The following SLC5A9 variants were observed in gnomAD, a reference collection of about 807,000 sequenced individuals.
SLC5A9 encodes solute carrier family 5 member 9.
Under a neutral mutation model 70.9 loss-of-function variants are expected in SLC5A9, and 59 were observed. The observed-to-expected ratio is 0.83, with a 90% CI of 0.68 to 1.03. SLC5A9 has a LOEUF of 1.03. Among genes scored for constraint, SLC5A9 ranks in the 50% least tolerant of loss-of-function variants. SLC5A9 has a pLI of 0.00. For missense variants in SLC5A9, 832 were observed against 881.1 expected (o/e 0.94, Z 0.71); for synonymous variants, 340 against 346.5 (o/e 0.98, Z 0.21).
chr1:48,232,247 A>T, intron 7 of SLC5A9, 96 bp downstream of exon 7: 1 of 1,554,446 alleles, frequency 6.4e-7, no homozygotes, highest in Non-Finnish European at 8.7e-7. Flanking sequence ...GTTGGACCTC[A>T]TTCTGGGATT....
intron 6 of SLC5A9, 35 bp from the exon 7 acceptor site, chr1:48,231,911 G>A (rs756827507): frequency 1.2e-6 from 2 of 1,613,214 alleles, no homozygotes; most frequent in Non-Finnish European, 8.5e-7. Context: ...GCTCAGTGGG[G>A]TTTCAGGGCT....
rs746884409 is a variant in SLC5A9 at position 48,233,781 on chromosome 1, C to T, written c.1141+19C>T. 16 of 1,542,434 alleles carry T rather than the reference C, an allele frequency of 1.0e-5. No homozygotes were observed. The highest frequency in any genetic ancestry group is 1.0e-4 in the South Asian group (9 of 88,578). On this transcript the variant is annotated intron_variant, in intron 9 of 13. Transcript: ENST00000438567. The stretch of plus-strand genomic sequence containing the variant: ...CCTGTTGGTGAGTCTCTTCTCCCCA[C>T]CCCACCCTGCACTCTCACCTCCAGC...
At chr1:48,240,839 G>A (rs554867607) in intron 12 of SLC5A9, among the ~76,000 whole-genome samples, 11 of 152,084 alleles carry the variant, frequency 7.2e-5, no homozygotes, top group East Asian at 1.9e-4. Flanking sequence ...TTCTCAACCC[G>A]CTGCTGTCTG....
chr1:48,247,215 A>G (rs1468385291), intron 13 of SLC5A9, 120 bp from the exon 14 acceptor site: 6 of 904,310 alleles, frequency 6.6e-6, no homozygotes, highest in Admixed American at 2.2e-5. Context: ...CACCCCCCAT[A>G]CTTTCCATCA....
At chr1:48,244,872 G>GTA (rs1190631619) in intron 13 of SLC5A9, among the ~76,000 whole-genome samples, 4 of 9,318 alleles carry the variant, frequency 4.3e-4, no homozygotes, top group African/African-American at 8.5e-4. Flanking sequence ...GTATGTATGT[G>GTA]TATGTGTATA....
chr1:48,228,004 C>T (rs1332808418), intron 2 of SLC5A9: 1 of 152,212 alleles, frequency 6.6e-6, no homozygotes, highest in African/African-American at 2.4e-5. Context: ...GGCTCCAGAG[C>T]CCCTTCCTCT....
At position 48,242,489 on chromosome 1, in the gene SLC5A9, C is replaced by T. The variant is rs778690648; in HGVS notation, c.1710C>T (p.Cys570=). The part of the protein sequence containing the change: ...LTRLTWWTRN[C]PLSELEKEAH... ...GCCTCACATGGTGGACTCGGAACTG[C>T]CCCCTCTCTGAGCTGGAGAAGGAGG... The change falls in exon 13 of 14, where the codon TGC becomes TGT. Residue 570 remains cysteine, a synonymous_variant. Coordinates refer to ENST00000438567, the MANE Select transcript of SLC5A9 (RefSeq NM_001011547.3). The T allele has an allele frequency of 2.5e-6, 4 of 1,612,164 alleles. No homozygotes were observed. Among genetic ancestry groups the T allele is most frequent in the Non-Finnish European group, 3.4e-6 (4 of 1,178,802 alleles).
Position 48,242,636 on chromosome 1 carries a change from G to A in SLC5A9, c.1837+20G>A. 6.3e-7 allele frequency: 1 copy of A among 1,594,856 alleles called. No individual in the cohort carries two copies. Among genetic ancestry groups the A allele is most frequent in the Non-Finnish European group, 8.5e-7 (1 of 1,169,820 alleles). On this transcript the variant is annotated intron_variant, in intron 13 of 13. Transcript: ENST00000438567. ...CTGAAGGTAGGCTGCGGCAGGCCGG[G>A]GGATACTCATCACAGAGGAACAGGG...
At position 48,229,544 on chromosome 1, in the gene SLC5A9, G is replaced by A. The variant is rs191499287; in HGVS notation, c.504+85G>A. The A allele has an allele frequency of 3.8e-5, 59 of 1,559,130 alleles. No homozygotes were observed. In the Admixed American group the frequency reaches 1.0e-3, roughly 27 times the overall value. Reference sequence around the variant, plus strand: ...TGCATCACCATGTGCGTGTTGCTGAGGGGAAGCTGACAATCACTGTTGAAA... The same window carrying A: ...TGCATCACCATGTGCGTGTTGCTGAAGGGAAGCTGACAATCACTGTTGAAA... On this transcript the variant is annotated intron_variant, in intron 4 of 13. Transcript: ENST00000438567.
At chr1:48,238,972 T>C (rs1049566552) in intron 11 of SLC5A9, among the ~76,000 whole-genome samples, 9 of 152,256 alleles carry the variant, frequency 5.9e-5, no homozygotes, top group African/African-American at 2.2e-4. Context: ...TAGTTGAATA[T>C]TAACCATCTG....
rs1271467648 is a variant in SLC5A9 at position 48,247,535 on chromosome 1, T to G, written c.2038T>G (p.Phe680Val). The change falls in exon 14 of 14, where the codon TTT becomes GTT. Residue 680 changes from phenylalanine (F) to valine (V), a missense_variant. By Grantham distance (50) the Phe-to-Val change is conservative. Transcript: ENST00000438567. ...CATCAACATCTTCCTCTGGGGCTATTTTGCGTGATTCCACAGACCTGGCTT... is the reference window on the plus strand; with the variant it reads ...CATCAACATCTTCCTCTGGGGCTATGTTGCGTGATTCCACAGACCTGGCTT... ...LAINIFLWGY[F>V]A The G allele has an allele frequency of 6.2e-7, 1 of 1,614,060 alleles. No individual in the cohort carries two copies. Among genetic ancestry groups the G allele is most frequent in the African/African-American group, 1.3e-5 (1 of 74,928 alleles).
At chr1:48,227,062 T>C (rs1391755855) in intron 2 of SLC5A9, among the ~76,000 whole-genome samples, 1 of 151,820 alleles carries the variant, frequency 6.6e-6, no homozygotes, top group African/African-American at 2.4e-5. Context: ...TGCGAATGTA[T>C]GTGCACGTGT....
intron 13 of SLC5A9, among the ~76,000 whole-genome samples, chr1:48,243,302 G>T (rs1644413662): frequency 6.6e-6 from 1 of 152,142 alleles, no homozygotes; most frequent in African/African-American, 2.4e-5. Context: ...GTTTTCATGA[G>T]GTTCCTACAA....
chr1:48,235,480 G>T (rs972856813), intron 9 of SLC5A9, among the ~76,000 whole-genome samples: 5 of 152,090 alleles, frequency 3.3e-5, no homozygotes, highest in East Asian at 3.9e-4. Flanking sequence ...TTAGGGTGGG[G>T]GGTGGAGGGG....
Position 48,231,610 on chromosome 1 carries a change from G to C in SLC5A9, c.676G>C (p.Val226Leu). 6.2e-7 allele frequency: 1 copy of C among 1,614,150 alleles called. No homozygotes were observed. Among genetic ancestry groups the C allele is most frequent in the Non-Finnish European group, 8.5e-7 (1 of 1,180,006 alleles). The change falls in exon 6 of 14, where the codon GTC becomes CTC. Residue 226 changes from valine to leucine, a missense_variant. Transcript: ENST00000438567. ...GGTGATCATGGTAGGGGGAGCCCTG[G>C]TCCTCATGTTTCTGGGTAAGGAAGA... Reference protein sequence around the residue: ...QTVIMVGGALVLMFLGFQDVG... With the variant: ...QTVIMVGGALLLMFLGFQDVG...
chr1:48,228,873 C>G lies in SLC5A9; in HGVS notation c.258C>G (p.Ser86Arg), dbSNP rs933954841. The change falls in exon 3 of 14, where the codon AGC becomes AGG. Residue 86 changes from serine (S) to arginine (R), a missense_variant. Transcript: ENST00000438567. ...WWPIGASLMS[S>R]NVGSGLFIGL... is the part of the protein sequence containing the mutation. ...AGATTGGAGCATCTCTGATGTCCAG[C>G]AATGTGGGCAGTGGCTTGTTCATCG... The G allele has an allele frequency of 1.2e-6, 2 of 1,613,720 alleles. No individual in the cohort carries two copies. Among genetic ancestry groups the G allele is most frequent in the African/African-American group, 2.7e-5 (2 of 74,920 alleles).
Position 48,242,445 on chromosome 1 carries a change from C to T in SLC5A9, c.1678-12C>T. Reference sequence around the variant, plus strand: ...CCAAGGCAACTGACTCCAGTGTCTTCTTTCCCTCCAGCTCACACGCCTCAC... The same window carrying T: ...CCAAGGCAACTGACTCCAGTGTCTTTTTTCCCTCCAGCTCACACGCCTCAC... On this transcript the variant is annotated splice_polypyrimidine_tract_variant and intron_variant, in intron 12 of 13. Coordinates refer to ENST00000438567, the MANE Select transcript of SLC5A9 (RefSeq NM_001011547.3). 7 of 1,583,188 alleles carry T rather than the reference C, an allele frequency of 4.4e-6. No homozygotes were observed. The highest frequency in any genetic ancestry group is 6.0e-6 in the Non-Finnish European group (7 of 1,162,884).
chr1:48,245,339 GACCTAC>G (rs1238967081), intron 13 of SLC5A9, among the ~76,000 whole-genome samples: 2 of 152,040 alleles, frequency 1.3e-5, no homozygotes, highest in Non-Finnish European at 2.9e-5. Flanking sequence ...TACACAAATG[GACCTAC>G]TCCCCAGCTG....
At chr1:48,241,800 T>C (rs982056615) in intron 12 of SLC5A9, 1 of 398,254 alleles carries the variant, frequency 2.5e-6, no homozygotes, top group South Asian at 1.9e-5. Flanking sequence ...TCCTGTGTTC[T>C]CTATTCCTGG....
Sources: allele counts gnomAD v4.1 joint callset (sites outside exome capture counted in the v4.1 genomes callset), GRCh38; gene constraint gnomAD v4.1.1; transcripts MANE v1.5; gene names NCBI Gene and HGNC (gene_info 2026-07-23, HGNC 2026-07-21).